The following ERCC8 variants were observed in gnomAD, a reference collection of about 807,000 sequenced individuals.
The protein encoded by ERCC8 is DNA excision repair protein ERCC-8.
ERCC8 carries 52 observed loss-of-function variants against 54.9 expected under a neutral mutation model. The observed-to-expected ratio is 0.95, with a 90% CI of 0.76 to 1.19. The LOEUF (loss-of-function observed/expected upper bound fraction) is 1.19, where lower values mean the gene tolerates loss of function less well. Among genes scored for constraint, ERCC8 ranks in the 50% most tolerant of loss-of-function variants. The pLI is 0.00. For missense variants in ERCC8, 514 were observed against 466.1 expected, an observed-to-expected ratio of 1.10 and a Z score of -0.95; for synonymous variants, 146 against 157.2, an observed-to-expected ratio of 0.93 and a Z score of 0.53.
chr5:60,914,173 C>T (rs1299223816), intron 4 of ERCC8, among the ~76,000 whole-genome samples: 1 of 152,062 alleles, frequency 6.6e-6, no homozygotes, highest in Non-Finnish European at 1.5e-5. Context: ...ATTGATCTGT[C>T]TAATGTTGAG....
Position 60,866,751 on chromosome 5 carries a change from T to C in ERCC8, c.*7864A>G, listed in dbSNP as rs1747757020. The C allele has an allele frequency of 6.6e-6, 1 of 152,244 alleles. No individual in the cohort carries two copies. The highest frequency in any genetic ancestry group is 2.4e-5 in the African/African-American group (1 of 41,468). The allele number at this position is 152,244 out of a possible 1,614,324, so 9.4% of individuals were successfully genotyped here. Reference sequence around the variant, plus strand: ...TTTAGAACCTAAGCCTCTAATTATTTATGCATACCATTTTTAAATGCTTTA... The same window carrying C: ...TTTAGAACCTAAGCCTCTAATTATTCATGCATACCATTTTTAAATGCTTTA... On this transcript the variant is annotated 3_prime_UTR_variant, in exon 12 of 12. Transcript: ENST00000676185.
chr5:60,892,184 A>G (rs1420755530), intron 9 of ERCC8: 1 of 525,586 alleles, frequency 1.9e-6, no homozygotes, highest in East Asian at 4.9e-5. Flanking sequence ...AGCCCACCCC[A>G]TCTGATGACG....
rs902010333 is a variant in ERCC8 at position 60,900,362 on chromosome 5, A to G, written c.618-635T>C. ...AAATCTATGATCAGACATCTATTTC[A>G]GCTTCTAGATTATTTCTAAAGAAAA... On this transcript the variant is annotated intron_variant, in intron 7 of 11. Coordinates refer to ENST00000676185, the MANE Select transcript of ERCC8 (RefSeq NM_000082.4). Among the ~76,000 whole-genome samples the G allele has an allele frequency of 2.6e-5, 4 of 151,998 alleles. No individual in the cohort carries two copies. In the South Asian group the frequency reaches 6.2e-4, roughly 24 times the overall value.
chr5:60,880,589 T>C (rs1340389685), intron 11 of ERCC8, among the ~76,000 whole-genome samples: 1 of 152,188 alleles, frequency 6.6e-6, no homozygotes, highest in Non-Finnish European at 1.5e-5. Flanking sequence ...TCTCTAAACT[T>C]CTCTTCTCAC....
chr5:60,874,737 A>C (rs1747949181), intron 11 of ERCC8, 54 bp from the exon 12 acceptor site: 2 of 1,439,496 alleles, frequency 1.4e-6, no homozygotes, highest in Non-Finnish European at 1.9e-6. Context: ...CTACTTCATA[A>C]TTTTAGGCTC....
At chr5:60,906,410 G>C (rs968417397) in intron 4 of ERCC8, among the ~76,000 whole-genome samples, 1 of 151,608 alleles carries the variant, frequency 6.6e-6, no homozygotes, top group African/African-American at 2.4e-5. Flanking sequence ...AGGTGGTTGA[G>C]TTTTGGAGAA....
At chr5:60,918,461 A>G in intron 3 of ERCC8, 73 bp from the exon 4 acceptor site, 6 of 1,332,632 alleles carry the variant, frequency 4.5e-6, no homozygotes, top group Non-Finnish European at 6.4e-6. Flanking sequence ...ATTAAGAACA[A>G]GTAGTAGTCT....
chr5:60,930,981 T>TG (rs1749893003), intron 1 of ERCC8, among the ~76,000 whole-genome samples: 1 of 151,798 alleles, frequency 6.6e-6, no homozygotes, highest in Non-Finnish European at 1.5e-5. Context: ...TGGTGGGGCA[T>TG]GCCTATAATC....
rs370563073 is a variant in ERCC8 at position 60,896,278 on chromosome 5, G to A, written c.843+1998C>T. ...GTTGCCCAGGCTGGAGTGCAATGGC[G>A]CGATCTCGGCTCACCGCAACCTCCA... is the stretch of plus-strand genomic sequence containing the variant. On this transcript the variant is annotated intron_variant, in intron 9 of 11. Transcript: ENST00000676185. Among the ~76,000 whole-genome samples, 253 of 150,714 alleles carry A rather than the reference G, an allele frequency of 1.7e-3. 1 individual carries two copies. The highest frequency in any genetic ancestry group is 6.0e-3 in the African/African-American group (245 of 40,952).
At chr5:60,929,929 T>C (rs1461697375) in intron 1 of ERCC8, among the ~76,000 whole-genome samples, 2 of 152,216 alleles carry the variant, frequency 1.3e-5, no homozygotes, top group Non-Finnish European at 2.9e-5. Flanking sequence ...AGTTTAAATA[T>C]CAAATTATAA....
Position 60,869,412 on chromosome 5 carries a change from T to A in ERCC8, c.*5203A>T, listed in dbSNP as rs1563904. On this transcript the variant is annotated 3_prime_UTR_variant, in exon 12 of 12. Coordinates refer to ENST00000676185, the MANE Select transcript of ERCC8 (RefSeq NM_000082.4). Reference sequence around the variant, plus strand: ...AAGCTAATGGTGTGTCTCTCACCAATACTGAGCTCTACAAACCTATGTGTC... The same window carrying A: ...AAGCTAATGGTGTGTCTCTCACCAAAACTGAGCTCTACAAACCTATGTGTC... 5.7e-3 allele frequency among the ~76,000 whole-genome samples: 867 copies of A among 152,346 alleles called. 8 individuals carry two copies. The highest frequency in any genetic ancestry group is 0.037 in the South Asian group (178 of 4,822).
chr5:60,908,611 A>G (rs1749152345), intron 4 of ERCC8, among the ~76,000 whole-genome samples: 4 of 149,722 alleles, frequency 2.7e-5, no homozygotes, highest in South Asian at 4.2e-4. Flanking sequence ...GGCTTTGTCA[A>G]GATACAATTC....
In ERCC8 at chr5:60,903,336, A is replaced by G. The variant is rs576560045; in HGVS notation, c.550+312T>C. ...CTCATTAGCCAGAATATTAAATAAT[A>G]CATATGAGACAAGTACACTGATGTG... On this transcript the variant is annotated intron_variant, in intron 6 of 11. Transcript: ENST00000676185. 19 of 253,028 alleles carry G rather than the reference A, an allele frequency of 7.5e-5. No homozygotes were observed. The East Asian group carries it at 1.3e-3, about 17-fold the overall frequency. The allele number at this position is 253,028 out of a possible 1,614,324, so 15.7% of individuals were successfully genotyped here. A position where few individuals can be genotyped will look rare whatever the true frequency, so the allele number is the denominator to read the frequency against.
At chr5:60,892,522 C>T in intron 9 of ERCC8, 8 of 605,874 alleles carry the variant, frequency 1.3e-5, no homozygotes, top group South Asian at 1.1e-4. Context: ...ACAGTTTTGG[C>T]TGCCTGCTCC....
At chr5:60,892,000 C>A in intron 9 of ERCC8, 1 of 529,850 alleles carries the variant, frequency 1.9e-6, no homozygotes. Flanking sequence ...AGACAGCTCC[C>A]TGGGGATTTT....
intron 4 of ERCC8, among the ~76,000 whole-genome samples, chr5:60,905,690 G>A (rs1399682793): frequency 6.6e-6 from 1 of 152,216 alleles, no homozygotes; most frequent in African/African-American, 2.4e-5. Flanking sequence ...CTGCTCACCA[G>A]GTTCTTCCTG....
intron 11 of ERCC8, among the ~76,000 whole-genome samples, chr5:60,884,511 A>G (rs998513439): frequency 7.2e-5 from 9 of 125,326 alleles, no homozygotes; most frequent in Non-Finnish European, 1.5e-4. Context: ...GTGTATGTAT[A>G]TGTGTGTATG....
chr5:60,887,357 A>T, intron 11 of ERCC8, 83 bp downstream of exon 11: 1 of 1,184,220 alleles, frequency 8.4e-7, no homozygotes, highest in Non-Finnish European at 1.3e-6. Flanking sequence ...GAAATGCTTT[A>T]AAAGTCTCTC....
At chr5:60,942,046 G>C (rs1315443117) in intron 1 of ERCC8, among the ~76,000 whole-genome samples, 1 of 152,038 alleles carries the variant, frequency 6.6e-6, no homozygotes, top group African/African-American at 2.4e-5. Context: ...ATCCGAAGTA[G>C]ACAACGAAAA....
Sources: allele counts gnomAD v4.1 joint callset (sites outside exome capture counted in the v4.1 genomes callset), GRCh38; gene constraint gnomAD v4.1.1; transcripts MANE v1.5; gene names NCBI Gene and HGNC (gene_info 2026-07-23, HGNC 2026-07-21).